The following TBCD variants were observed in gnomAD, a reference collection of about 807,000 sequenced individuals.
TBCD encodes tubulin-specific chaperone D.
TBCD carries 105 observed loss-of-function variants against 169.3 expected under a neutral mutation model. That is an observed-to-expected ratio of 0.62 (90% CI 0.53 to 0.73). The LOEUF is 0.73. TBCD is among the 30% of genes least tolerant of loss of function. The pLI is 0.00. For missense variants in TBCD, 1,444 were observed against 1,600.1 expected, an observed-to-expected ratio of 0.90 and a Z score of 1.66; for synonymous variants, 700 against 643.9, an observed-to-expected ratio of 1.09 and a Z score of -1.32.
At chr17:82,770,176 A>C (rs535073894) in intron 5 of TBCD, among the ~76,000 whole-genome samples, 13 of 152,304 alleles carry the variant, frequency 8.5e-5, no homozygotes, top group African/African-American at 3.1e-4. Flanking sequence ...ACACGTTCTT[A>C]GTGTCTTACG....
intron 13 of TBCD, chr17:82,830,873 T>C: frequency 2.5e-6 from 4 of 1,612,326 alleles, no homozygotes; most frequent in Non-Finnish European, 3.4e-6. Context: ...TTCACAACAT[T>C]GAGGCTAGAA....
At chr17:82,830,484 T>TGGG in intron 13 of TBCD, 1 of 1,613,112 alleles carries the variant, frequency 6.2e-7, no homozygotes, top group Non-Finnish European at 8.5e-7. Context: ...GGCCTGTGGG[T>TGGG]GGGGCCCCGT....
In TBCD at chr17:82,833,815, C is replaced by T. The variant is rs1333203747; in HGVS notation, c.1318+18881C>T. Among the ~76,000 whole-genome samples the T allele has an allele frequency of 6.6e-6, 1 of 152,098 alleles. No homozygotes were observed. Among genetic ancestry groups the T allele is most frequent in the East Asian group, 1.9e-4 (1 of 5,200 alleles). On this transcript the variant is annotated intron_variant, in intron 13 of 38. Coordinates refer to ENST00000355528, the MANE Select transcript of TBCD (RefSeq NM_005993.5). This position sits in a 1 kb window ranked among gnomAD's most constrained non-coding sequence, Gnocchi z 4.7. The stretch of plus-strand genomic sequence containing the variant: ...ACACCCACTCAGGTCCTGGGACCCA[C>T]CAGAGGCTGTGTGTGTGATGTCAGA...
At chr17:82,927,375 G>T in intron 29 of TBCD, 52 bp downstream of exon 29, 2 of 1,575,592 alleles carry the variant, frequency 1.3e-6, no homozygotes, top group Admixed American at 1.9e-5. Context: ...CATCTATTCC[G>T]TGGAAACTCG....
At chr17:82,846,396 C>T (rs1287370129) in intron 13 of TBCD, among the ~76,000 whole-genome samples, 1 of 152,180 alleles carries the variant, frequency 6.6e-6, no homozygotes, top group Admixed American at 6.5e-5. Flanking sequence ...TCTCGTCCAG[C>T]CCTCTGCTGC....
intron 23 of TBCD, among the ~76,000 whole-genome samples, chr17:82,919,986 G>A (rs3744155): frequency 0.061 from 9,241 of 152,240 alleles, 399 homozygotes; most frequent in Admixed American, 0.14. Context: ...AGGTAGAGAC[G>A]GTGGGAGCTA....
intron 17 of TBCD, among the ~76,000 whole-genome samples, chr17:82,899,202 C>G (rs2059706561): frequency 7.4e-6 from 1 of 134,966 alleles, no homozygotes; most frequent in Non-Finnish European, 1.7e-5. Flanking sequence ...CAGCGCGTGT[C>G]CGCAGTGCGT....
chr17:82,822,225 C>T (rs1174063875), intron 13 of TBCD, among the ~76,000 whole-genome samples: 1 of 152,216 alleles, frequency 6.6e-6, no homozygotes. Flanking sequence ...GAGGACACAG[C>T]GTTTCTGTGA....
In TBCD at chr17:82,847,098, T is replaced by C. The variant is rs570967026; in HGVS notation, c.1319-23126T>C. On this transcript the variant is annotated intron_variant, in intron 13 of 38. Transcript: ENST00000355528. ...CGGGCGTGGTGGCTCACGCCTGTAA[T>C]CCCAGCACTTTGGGAGGCCAAGGTG... Among the ~76,000 whole-genome samples, 402 of 152,280 alleles carry C rather than the reference T, an allele frequency of 2.6e-3. 2 individuals are homozygous for C. The highest frequency in any genetic ancestry group is 8.8e-3 in the African/African-American group (364 of 41,558).
intron 13 of TBCD, among the ~76,000 whole-genome samples, chr17:82,855,092 C>T (rs1265262582): frequency 6.6e-6 from 1 of 152,142 alleles, no homozygotes; most frequent in East Asian, 1.9e-4. Context: ...GCCCCCTCAC[C>T]CTGCTGTCCA....
At chr17:82,840,953 GGTTTTTTTTTTTTTTT>G (rs1486631329) in intron 13 of TBCD, among the ~76,000 whole-genome samples, 5 of 70,548 alleles carry the variant, frequency 7.1e-5, no homozygotes, top group East Asian at 8.1e-4. Flanking sequence ...CAGACAAACT[GGTTTTTTTTTTTTTTT>G]TTTTTTTTTT....
chr17:82,875,834 C>T (rs1405861942), intron 14 of TBCD, among the ~76,000 whole-genome samples: 1 of 152,172 alleles, frequency 6.6e-6, no homozygotes, highest in Non-Finnish European at 1.5e-5. Context: ...GCAAATCCTG[C>T]CTCCACGTCA....
At chr17:82,866,384 A>G (rs2057173688) in intron 13 of TBCD, among the ~76,000 whole-genome samples, 1 of 152,208 alleles carries the variant, frequency 6.6e-6, no homozygotes, top group South Asian at 2.1e-4. Flanking sequence ...GAAATTGATC[A>G]TCTCACACCC....
chr17:82,828,376 A>G (rs2053122715), intron 13 of TBCD, among the ~76,000 whole-genome samples: 1 of 117,738 alleles, frequency 8.5e-6, no homozygotes, highest in South Asian at 2.5e-4. Context: ...TTGAATGTGC[A>G]CTCACAGATA....
intron 13 of TBCD, among the ~76,000 whole-genome samples, chr17:82,817,443 T>C (rs1011941133): frequency 6.6e-6 from 1 of 152,188 alleles, no homozygotes; most frequent in Non-Finnish European, 1.5e-5. Context: ...GCTACAGGTA[T>C]GTGCCACCAT....
chr17:82,930,264 G>A lies in TBCD; in HGVS notation c.2992-258G>A, dbSNP rs902050299. ...CCAAGGTGAGTGGCCGCAGCCTTTC[G>A]TCACGTGCTCTCCCGCATGTCCTAA... On this transcript the variant is annotated intron_variant, in intron 32 of 38. Coordinates refer to ENST00000355528, the MANE Select transcript of TBCD (RefSeq NM_005993.5). This position sits in a 1 kb window ranked among gnomAD's most constrained non-coding sequence, Gnocchi z 5.2. The A allele has an allele frequency of 7.6e-5, 38 of 496,906 alleles. No homozygotes were observed. Among genetic ancestry groups the A allele is most frequent in the South Asian group, 2.6e-4 (9 of 34,596 alleles). The allele number at this position is 496,906 out of a possible 1,614,324, so 30.8% of individuals were successfully genotyped here.
In TBCD at chr17:82,859,619, T is replaced by C. The variant is rs1022567166; in HGVS notation, c.1319-10605T>C. 3 of 985,396 alleles carry C rather than the reference T, an allele frequency of 3.0e-6. No individual in the cohort carries two copies. The East Asian group carries it at 3.4e-4, about 112-fold the overall frequency. The allele number at this position is 985,396 out of a possible 1,614,324, so 61.0% of individuals were successfully genotyped here. A position where few individuals can be genotyped will look rare whatever the true frequency, so the allele number is the denominator to read the frequency against. Reference sequence around the variant, plus strand: ...CAGACTCCAAGTGTGAGCCCTGTAGTGAGGACAAAGAGTGGAGGTTGGAGT... The same window carrying C: ...CAGACTCCAAGTGTGAGCCCTGTAGCGAGGACAAAGAGTGGAGGTTGGAGT... On this transcript the variant is annotated intron_variant, in intron 13 of 38. Transcript: ENST00000355528.
At chr17:82,932,175 T>C (rs2147366269) in intron 33 of TBCD, 2 of 216,546 alleles carry the variant, frequency 9.2e-6, no homozygotes, top group South Asian at 1.3e-4. Context: ...CCGTGGTCAC[T>C]GAGATTTTCT....
Position 82,930,732 on chromosome 17 carries a change from C to G in TBCD, c.3113+89C>G, listed in dbSNP as rs2062126520. 10 of 1,581,744 alleles carry G rather than the reference C, an allele frequency of 6.3e-6. No homozygotes were observed. Among genetic ancestry groups the G allele is most frequent in the Non-Finnish European group, 8.6e-6 (10 of 1,162,096 alleles). Reference sequence around the variant, plus strand: ...ACAGATTCCCGGGGTCTCGCAGGGTCTGTCTGGGGTCTGAAGGGAGAAGCG... The same window carrying G: ...ACAGATTCCCGGGGTCTCGCAGGGTGTGTCTGGGGTCTGAAGGGAGAAGCG... On this transcript the variant is annotated intron_variant, in intron 33 of 38. Coordinates refer to ENST00000355528, the MANE Select transcript of TBCD (RefSeq NM_005993.5). The surrounding 1 kb of genome is among the most constrained non-coding windows in gnomAD (Gnocchi z 5.2).
Sources: allele counts gnomAD v4.1 joint callset (sites outside exome capture counted in the v4.1 genomes callset), GRCh38; gene constraint gnomAD v4.1.1; non-coding constraint Gnocchi (gnomAD v3.1); transcripts MANE v1.5; gene names NCBI Gene and HGNC (gene_info 2026-07-23, HGNC 2026-07-21).